PPEF1: variants seen among roughly 807,000 people sequenced by gnomAD.
PPEF1 encodes the protein serine/threonine-protein phosphatase with EF-hands 1.
PPEF1 carries 12 observed loss-of-function variants against 53.3 expected under a neutral mutation model. That is an observed-to-expected ratio of 0.23 (90% confidence interval 0.14 to 0.36). PPEF1 has a LOEUF of 0.36. Ranked by LOEUF, PPEF1 falls within the 10% of genes least tolerant of loss-of-function variation. The pLI is 1.00. For synonymous variants in PPEF1, 165 were observed against 176.7 expected (o/e 0.93, Z 0.52); for missense variants, 334 against 490.4 (o/e 0.68, Z 3.01).
chrX:18,799,212 G>A (rs1369031453), intron 10 of PPEF1, among the ~76,000 whole-genome samples: 1 of 103,849 alleles, frequency 9.6e-6, no homozygotes, highest in South Asian at 4.6e-4. Flanking sequence ...CAGCCTGGGC[G>A]ACAGAGCAAG....
intron 6 of PPEF1, among the ~76,000 whole-genome samples, chrX:18,765,890 C>G (rs932288624): frequency 3.7e-5 from 4 of 108,305 alleles, no homozygotes; most frequent in African/African-American, 1.3e-4. Flanking sequence ...ATGATGAAAC[C>G]CCTGTCTCTA....
chrX:18,742,243 G>T (rs184625686), intron 3 of PPEF1, among the ~76,000 whole-genome samples: 16 of 112,090 alleles, frequency 1.4e-4, no homozygotes, highest in African/African-American at 3.9e-4. Flanking sequence ...GTTGTTTTCA[G>T]ATTGGTGATT....
At chrX:18,784,359 A>G (rs1376033756) in intron 9 of PPEF1, among the ~76,000 whole-genome samples, 2 of 111,711 alleles carry the variant, frequency 1.8e-5, no homozygotes, top group African/African-American at 3.3e-5. Context: ...TAAAACCTCA[A>G]TTCATTCATT....
rs759918996 is a variant in PPEF1 at position 18,788,092 on chromosome X, G to A, written c.913-1029G>A. ...AGCACTTTGGGAGGCCAAGGCGGGC[G>A]GATCACGAGGTCAGGAGATCAAGAC... is the stretch of plus-strand genomic sequence containing the variant. On this transcript the variant is annotated intron_variant, in intron 9 of 15. Transcript: ENST00000470157. Among the ~76,000 whole-genome samples the A allele has an allele frequency of 6.3e-5, 7 of 111,439 alleles. No individual in the cohort carries two copies. In the South Asian group the frequency reaches 1.5e-3, roughly 24 times the overall value.
upstream of PPEF1, among the ~76,000 whole-genome samples, chrX:18,681,804 G>T (rs1234960543): frequency 9.0e-6 from 1 of 111,584 alleles, no homozygotes; most frequent in African/African-American, 3.3e-5. Flanking sequence ...GAGCCAGTGT[G>T]GTGGCTGCTT....
At chrX:18,819,301 A>G (rs753495436) in intron 13 of PPEF1, among the ~76,000 whole-genome samples, 1 of 112,429 alleles carries the variant, frequency 8.9e-6, no homozygotes, top group African/African-American at 3.2e-5. Context: ...AACCAAAGAG[A>G]TAGAAAATAT....
intron 6 of PPEF1, among the ~76,000 whole-genome samples, chrX:18,771,133 A>C (rs1463245351): frequency 8.9e-6 from 1 of 112,129 alleles, no homozygotes; most frequent in East Asian, 2.8e-4. Context: ...CAGTTTTGCT[A>C]GGAAATGGAT....
chrX:18,802,198 G>A (rs1185608562), intron 10 of PPEF1, among the ~76,000 whole-genome samples: 1 of 109,775 alleles, frequency 9.1e-6, no homozygotes, highest in Non-Finnish European at 1.9e-5. Flanking sequence ...CCAAGTAGCT[G>A]GGAACACATT....
Position 18,825,846 on chromosome X carries a change from G to A in PPEF1, c.1750+11G>A. The A allele has an allele frequency of 8.8e-7, 1 of 1,131,762 alleles. No homozygotes were observed. Among genetic ancestry groups the A allele is most frequent in the Non-Finnish European group, 1.2e-6 (1 of 831,935 alleles). 93.3% of individuals were successfully genotyped at this position (1,131,762 alleles called of 1,213,427 possible). Reference sequence around the variant, plus strand: ...ACACTGATCACTCAGGTAAATAAATGAACTTGGATGAGTCCATTTAAAAAG... The same window carrying A: ...ACACTGATCACTCAGGTAAATAAATAAACTTGGATGAGTCCATTTAAAAAG... On this transcript the variant is annotated intron_variant, in intron 15 of 15. Coordinates refer to ENST00000470157, the MANE Select transcript of PPEF1 (RefSeq NM_001377996.1).
intron 10 of PPEF1, among the ~76,000 whole-genome samples, chrX:18,791,796 A>G (rs2046329189): frequency 8.9e-6 from 1 of 112,204 alleles, no homozygotes; most frequent in Non-Finnish European, 1.9e-5. Flanking sequence ...TCTTTCATCA[A>G]GTATGATATT....
chrX:18,704,288 A>G (rs1416061798), upstream of PPEF1, among the ~76,000 whole-genome samples: 2 of 111,824 alleles, frequency 1.8e-5, no homozygotes, highest in Admixed American at 1.9e-4. Flanking sequence ...GCGAAGCCCA[A>G]GCGAGATTTG....
intron 12 of PPEF1, among the ~76,000 whole-genome samples, chrX:18,814,051 G>A (rs2046858613): frequency 9.0e-6 from 1 of 110,770 alleles, no homozygotes; most frequent in Admixed American, 9.7e-5. Flanking sequence ...ATGTCCATGT[G>A]TACCCAATGG....
chrX:18,728,206 T>C (rs1268428400), intron 1 of PPEF1, among the ~76,000 whole-genome samples: 2 of 110,610 alleles, frequency 1.8e-5, no homozygotes, highest in African/African-American at 6.6e-5. Flanking sequence ...TCTCTCTCTA[T>C]ATATATATCT....
chrX:18,763,234 C>T (rs2045703035), intron 6 of PPEF1, among the ~76,000 whole-genome samples: 1 of 111,694 alleles, frequency 9.0e-6, no homozygotes, highest in Non-Finnish European at 1.9e-5. Context: ...CCTGCTAAAT[C>T]ATGGAGGTTT....
chrX:18,685,662 G>T (rs1929044624), intron 2 of PPEF1, among the ~76,000 whole-genome samples: 1 of 98,959 alleles, frequency 1.0e-5, no homozygotes, highest in Admixed American at 1.1e-4. Flanking sequence ...TCCAGCCTGG[G>T]TGAAAGAGCG....
chrX:18,730,217 G>A lies in PPEF1; in HGVS notation c.83G>A (p.Arg28Gln), dbSNP rs777810268. The A allele has an allele frequency of 6.6e-6, 8 of 1,208,004 alleles. No individual in the cohort carries two copies. In the African/African-American group the frequency reaches 7.0e-5, roughly 11 times the overall value. Residue 28 changes from arginine to glutamine, a missense_variant, in exon 2 of 16, where the codon CGA (arginine) becomes CAA (glutamine). By Grantham distance (43) the Arg-to-Gln change is conservative. Transcript: ENST00000470157. ...RAALIIQNWY[R>Q]GYKARLKARQ... ...GCGTTGATCATCCAGAACTGGTACC[G>A]AGGTTACAAAGCTCGACTGAAGGCC...
At chrX:18,720,451 G>A (rs2044561008) in intron 1 of PPEF1, among the ~76,000 whole-genome samples, 1 of 110,528 alleles carries the variant, frequency 9.0e-6, no homozygotes, top group Admixed American at 9.7e-5. Flanking sequence ...AATTAGCTGG[G>A]CATGGTGGCG....
Position 18,772,642 on chromosome X carries a change from T to A in PPEF1, c.559-6368T>A, listed in dbSNP as rs141393550. Among the ~76,000 whole-genome samples, 622 of 112,178 alleles carry A rather than the reference T, an allele frequency of 5.5e-3. 3 individuals are homozygous for A. Among genetic ancestry groups the A allele is most frequent in the Non-Finnish European group, 7.8e-3 (416 of 53,284 alleles). On this transcript the variant is annotated intron_variant, in intron 6 of 15. Coordinates refer to ENST00000470157, the MANE Select transcript of PPEF1 (RefSeq NM_001377996.1). ...GAATGTTGCTGTGCAACAAATTACCTCAATACTTAATGACTTAACACTATA... is the reference window on the plus strand; with the variant it reads ...GAATGTTGCTGTGCAACAAATTACCACAATACTTAATGACTTAACACTATA...
intron 6 of PPEF1, among the ~76,000 whole-genome samples, chrX:18,775,789 G>A (rs1028522127): frequency 1.6e-4 from 18 of 111,952 alleles, no homozygotes; most frequent in African/African-American, 5.5e-4. Context: ...ATAGTTGGAG[G>A]CACAACAGTT....
Sources: gnomAD v4.1 joint callset for allele counts (sites outside exome capture counted in the v4.1 genomes callset) on GRCh38, gnomAD v4.1.1 for gene constraint, MANE v1.5 for transcripts, NCBI Gene and HGNC (gene_info 2026-07-23, HGNC 2026-07-21) for gene names.